Variants in LRRTM4 observed in about 807,000 individuals in gnomAD.
LRRTM4 encodes leucine rich repeat transmembrane neuronal 4, also known as leucine-rich repeat transmembrane neuronal protein 4.
Under a neutral mutation model 47.6 loss-of-function variants are expected in LRRTM4, and 25 were observed. The observed-to-expected ratio is 0.53, with a 90% CI of 0.38 to 0.73. The LOEUF (loss-of-function observed/expected upper bound fraction) is 0.73. Ranked by LOEUF, LRRTM4 falls within the 30% of genes least tolerant of loss-of-function variation. The pLI is 0.00. For missense variants in LRRTM4, 638 were observed against 713.4 expected (o/e 0.89, Z 1.20); for synonymous variants, 311 against 269.5 (o/e 1.15, Z -1.51).
Position 76,748,292 on chromosome 2 carries a change from C to G in LRRTM4, c.*403G>C, listed in dbSNP as rs1558629961. ...CCTAAAGAGGAAAACGGTTGTTTCCCTAGCTTCCCACCCACCCCTGTTTAT... is the reference window on the plus strand; with the variant it reads ...CCTAAAGAGGAAAACGGTTGTTTCCGTAGCTTCCCACCCACCCCTGTTTAT... On this transcript the variant is annotated 3_prime_UTR_variant, in exon 4 of 4. Coordinates refer to ENST00000409884, the MANE Select transcript of LRRTM4 (RefSeq NM_001134745.3). The G allele has an allele frequency of 6.0e-6, 1 of 166,024 alleles. No individual in the cohort carries two copies. Among genetic ancestry groups the G allele is most frequent in the African/African-American group, 2.4e-5 (1 of 41,778 alleles). The allele number at this position is 166,024 out of a possible 1,614,324, so 10.3% of individuals were successfully genotyped here.
At chr2:76,944,639 A>G (rs1182340351) in intron 3 of LRRTM4, among the ~76,000 whole-genome samples, 1 of 152,138 alleles carries the variant, frequency 6.6e-6, no homozygotes, top group Non-Finnish European at 1.5e-5. Flanking sequence ...GGCAGAAGGC[A>G]AAAGAAAAAT....
chr2:77,452,104 A>C (rs1269523751), intron 3 of LRRTM4, among the ~76,000 whole-genome samples: 2 of 151,594 alleles, frequency 1.3e-5, no homozygotes, highest in Non-Finnish European at 2.9e-5. Context: ...CATTAAATGC[A>C]ATGGAAAGCC....
chr2:77,236,972 G>T (rs1346466762), intron 3 of LRRTM4, among the ~76,000 whole-genome samples: 1 of 151,916 alleles, frequency 6.6e-6, no homozygotes, highest in African/African-American at 2.4e-5. Flanking sequence ...AGGGGTATTG[G>T]CCTGTGGTTT....
chr2:76,791,650 G>A (rs1674979435), intron 3 of LRRTM4, among the ~76,000 whole-genome samples: 3 of 152,158 alleles, frequency 2.0e-5, no homozygotes, highest in Non-Finnish European at 4.4e-5. Context: ...TAAGCTGTGA[G>A]AACCAGTTAA....
At chr2:77,310,640 A>G (rs1290122946) in intron 3 of LRRTM4, among the ~76,000 whole-genome samples, 2 of 152,132 alleles carry the variant, frequency 1.3e-5, no homozygotes, top group South Asian at 2.1e-4. Context: ...GTGCTCCTTC[A>G]ATCGAACATG....
chr2:77,415,854 T>C (rs1674616385), intron 3 of LRRTM4, among the ~76,000 whole-genome samples: 1 of 152,112 alleles, frequency 6.6e-6, no homozygotes, highest in Non-Finnish European at 1.5e-5. Context: ...ATATAAGAGG[T>C]ATTCCCTAGA....
At chr2:76,912,505 C>T (rs1029109528) in intron 3 of LRRTM4, among the ~76,000 whole-genome samples, 5 of 152,108 alleles carry the variant, frequency 3.3e-5, no homozygotes, top group African/African-American at 1.2e-4. Flanking sequence ...AAATCACAAG[C>T]AATTGGTAAT....
chr2:76,812,581 A>G (rs938106551), intron 3 of LRRTM4, among the ~76,000 whole-genome samples: 5 of 152,120 alleles, frequency 3.3e-5, no homozygotes, highest in African/African-American at 1.2e-4. Flanking sequence ...TTACCAAGAG[A>G]CACTTAATTC....
chr2:77,237,670 A>G (rs970051367), intron 3 of LRRTM4, among the ~76,000 whole-genome samples: 2 of 152,134 alleles, frequency 1.3e-5, no homozygotes, highest in Non-Finnish European at 2.9e-5. Flanking sequence ...AAGTTTATTA[A>G]TAAGATTCAG....
At chr2:77,343,403 T>G (rs1335533940) in intron 3 of LRRTM4, among the ~76,000 whole-genome samples, 1 of 151,974 alleles carries the variant, frequency 6.6e-6, no homozygotes, top group African/African-American at 2.4e-5. Context: ...AACCCCAAAT[T>G]AATTTTTGGA....
At chr2:77,014,094 A>G (rs1677969073) in intron 3 of LRRTM4, among the ~76,000 whole-genome samples, 1 of 152,136 alleles carries the variant, frequency 6.6e-6, no homozygotes, top group South Asian at 2.1e-4. Flanking sequence ...AATCTGCATG[A>G]TGAGTATGAA....
At chr2:77,086,068 AT>A (rs1218696125) in intron 3 of LRRTM4, among the ~76,000 whole-genome samples, 1 of 152,208 alleles carries the variant, frequency 6.6e-6, no homozygotes, top group East Asian at 1.9e-4. Flanking sequence ...CCTTGATTAT[AT>A]TTGTTAAGTA....
intron 3 of LRRTM4, among the ~76,000 whole-genome samples, chr2:76,855,509 T>C (rs72819254): frequency 0.027 from 4,157 of 152,340 alleles, 96 homozygotes; most frequent in East Asian, 0.06. Flanking sequence ...ATTCTGGGAA[T>C]AGATTAGTGC....
chr2:76,878,411 T>C (rs564113015), intron 3 of LRRTM4, among the ~76,000 whole-genome samples: 2 of 151,808 alleles, frequency 1.3e-5, no homozygotes, highest in African/African-American at 4.8e-5. Context: ...TGTCTAACTT[T>C]AAAACAAAAT....
intron 3 of LRRTM4, among the ~76,000 whole-genome samples, chr2:77,339,566 A>T (rs192444269): frequency 3.3e-5 from 5 of 152,190 alleles, no homozygotes; most frequent in Non-Finnish European, 7.4e-5. Context: ...TCAATTAGAG[A>T]TGAAGAAATG....
chr2:76,754,913 C>A (rs1163190235), intron 3 of LRRTM4, among the ~76,000 whole-genome samples: 3 of 152,090 alleles, frequency 2.0e-5, no homozygotes, highest in Admixed American at 6.5e-5. Context: ...TCATCACAAG[C>A]ACATGTGCAC....
chr2:76,996,626 CT>C (rs1190638013), intron 3 of LRRTM4, among the ~76,000 whole-genome samples: 1 of 152,000 alleles, frequency 6.6e-6, no homozygotes, highest in Non-Finnish European at 1.5e-5. Context: ...ATTCTCTTGC[CT>C]AGAAATATGA....
intron 3 of LRRTM4, among the ~76,000 whole-genome samples, chr2:77,134,941 T>C (rs1408603867): frequency 6.6e-6 from 1 of 152,072 alleles, no homozygotes; most frequent in Admixed American, 6.6e-5. Context: ...AAATGGTAAT[T>C]TTAGTTATTT....
At chr2:77,200,585 T>C (rs1673946389) in intron 3 of LRRTM4, among the ~76,000 whole-genome samples, 1 of 152,114 alleles carries the variant, frequency 6.6e-6, no homozygotes, top group African/African-American at 2.4e-5. Flanking sequence ...AAATATTTTA[T>C]AGGGGTGAGT....
Sources: gnomAD v4.1 joint callset for allele counts (sites outside exome capture counted in the v4.1 genomes callset) on GRCh38, gnomAD v4.1.1 for gene constraint, MANE v1.5 for transcripts, NCBI Gene and HGNC (gene_info 2026-07-23, HGNC 2026-07-21) for gene names.